RSPH14: variants seen among roughly 807,000 people sequenced by gnomAD.
RSPH14 encodes radial spoke head 14 homolog.
A neutral mutation model predicts 26.7 loss-of-function variants in RSPH14; 20 were observed. The ratio of observed to expected loss-of-function variants is 0.75; its 90% CI spans 0.53 to 1.09. The LOEUF (loss-of-function observed/expected upper bound fraction) is 1.09, where lower values mean the gene tolerates loss of function less well. RSPH14 is among the 50% of genes least tolerant of loss of function. The pLI, the probability that RSPH14 is intolerant of heterozygous loss-of-function variation, is 0.00. For missense variants in RSPH14, 449 were observed against 457.2 expected (o/e 0.98, Z 0.16); for synonymous variants, 177 against 189.3 (o/e 0.93, Z 0.53).
At chr22:23,153,430 T>G in the RSPH14 span, 8 of 344,054 alleles carry the variant, frequency 2.3e-5, no homozygotes, top group Admixed American at 1.3e-4. Context: ...CTGGCTCCAG[T>G]CCCTCCCTGA....
intron 3 of RSPH14, among the ~76,000 whole-genome samples, chr22:23,137,428 C>G (rs2146448625): frequency 6.6e-6 from 1 of 151,648 alleles, no homozygotes; most frequent in South Asian, 2.1e-4. Context: ...GGCTGCTATC[C>G]TCATTCCCCC....
intron 4 of RSPH14, chr22:23,124,703 C>T (rs2070131297): frequency 5.3e-6 from 1 of 189,712 alleles, no homozygotes; most frequent in Non-Finnish European, 1.1e-5. Flanking sequence ...GCTCTGACTC[C>T]TGTGAAGGCA....
intron 4 of RSPH14, chr22:23,095,716 A>G (rs547325924): frequency 3.7e-6 from 6 of 1,609,814 alleles, no homozygotes; most frequent in Non-Finnish European, 5.1e-6. Context: ...GGCAAAGCTC[A>G]GAGGAAAAAG....
intron 6 of RSPH14, among the ~76,000 whole-genome samples, chr22:23,060,473 A>T (rs1250085895): frequency 1.3e-5 from 2 of 151,890 alleles, no homozygotes; most frequent in Non-Finnish European, 2.9e-5. Flanking sequence ...CCATCTCAAA[A>T]AAAAAAAAAA....
At chr22:23,178,657 C>G in the RSPH14 span, among the ~76,000 whole-genome samples, 5 of 152,228 alleles carry the variant, frequency 3.3e-5, no homozygotes, top group Non-Finnish European at 7.3e-5. Flanking sequence ...CCCACCCAGC[C>G]TAGAAACTGG....
At chr22:23,148,048 C>A (rs2070898808), upstream of RSPH14, among the ~76,000 whole-genome samples, 1 of 152,122 alleles carries the variant, frequency 6.6e-6, no homozygotes. Flanking sequence ...GGGATAGATC[C>A]TCTCCATGGA....
At chr22:23,067,422 A>G (rs1385671256) in intron 4 of RSPH14, among the ~76,000 whole-genome samples, 2 of 152,140 alleles carry the variant, frequency 1.3e-5, no homozygotes, top group Admixed American at 6.5e-5. Flanking sequence ...GGTCGCAGCC[A>G]CACCCTTTCC....
chr22:23,104,733 G>A (rs929098071), intron 4 of RSPH14, among the ~76,000 whole-genome samples: 1 of 151,526 alleles, frequency 6.6e-6, no homozygotes, highest in Non-Finnish European at 1.5e-5. Context: ...GCCACTCAGG[G>A]GAGTCCTGTG....
the RSPH14 span, among the ~76,000 whole-genome samples, chr22:23,172,134 A>G: frequency 1.3e-5 from 2 of 152,220 alleles, no homozygotes; most frequent in East Asian, 1.9e-4. Context: ...TTCACTTAGC[A>G]TAATGTTTTC....
At position 23,136,491 on chromosome 22, in the gene RSPH14, A is replaced by G. The variant is rs150081863; in HGVS notation, c.303-2347T>C. Among the ~76,000 whole-genome samples, 468 of 137,972 alleles carry G rather than the reference A, an allele frequency of 3.4e-3. 67 individuals are homozygous for G. The highest frequency in any genetic ancestry group is 0.011 in the African/African-American group (430 of 38,822). The allele number at this position is 137,972 out of a possible 152,430, so 90.5% of individuals were successfully genotyped here. On this transcript the variant is annotated intron_variant, in intron 3 of 6. Transcript: ENST00000216036. ...AGAACGCTGAAGGAGTGCACGGGCCAGGCCATTATCAGGTCCCTGGTCAGG... is the reference window on the plus strand; with the variant it reads ...AGAACGCTGAAGGAGTGCACGGGCCGGGCCATTATCAGGTCCCTGGTCAGG...
intron 4 of RSPH14, among the ~76,000 whole-genome samples, chr22:23,092,357 C>A (rs2069003165): frequency 6.6e-6 from 1 of 152,148 alleles, no homozygotes; most frequent in African/African-American, 2.4e-5. Flanking sequence ...ACAGCCCTGT[C>A]CCATGCGTGG....
At chr22:23,061,753 T>C in intron 6 of RSPH14, 56 bp downstream of exon 6, 1 of 1,595,130 alleles carries the variant, frequency 6.3e-7, no homozygotes, top group Non-Finnish European at 8.5e-7. Context: ...AGAAAGCTCA[T>C]CACGGCTGCT....
chr22:23,129,613 T>C (rs1268569294), intron 4 of RSPH14, among the ~76,000 whole-genome samples: 1 of 151,516 alleles, frequency 6.6e-6, no homozygotes, highest in African/African-American at 2.4e-5. Flanking sequence ...TGAAATTGAC[T>C]TCATTATTCA....
At chr22:23,123,501 G>T in intron 4 of RSPH14, 1 of 1,002,582 alleles carries the variant, frequency 1.0e-6, no homozygotes, top group Non-Finnish European at 1.5e-6. Context: ...GCGTGCTAGA[G>T]AGGCCCAATC....
At chr22:23,149,342 T>G (rs1780438880), upstream of RSPH14, among the ~76,000 whole-genome samples, 1 of 152,192 alleles carries the variant, frequency 6.6e-6, no homozygotes, top group Non-Finnish European at 1.5e-5. Flanking sequence ...TTAGTTTGTT[T>G]AATCTCATTT....
At chr22:23,133,049 TC>T (rs2070391858) in intron 4 of RSPH14, 1 of 152,206 alleles carries the variant, frequency 6.6e-6, no homozygotes, top group Non-Finnish European at 1.5e-5. Flanking sequence ...GGTAGTACCT[TC>T]TAAAAGCTGA....
chr22:23,078,677 C>T (rs1022442088), intron 4 of RSPH14, among the ~76,000 whole-genome samples: 2 of 152,206 alleles, frequency 1.3e-5, no homozygotes, highest in Non-Finnish European at 2.9e-5. Flanking sequence ...CTGGGTGGGC[C>T]AGGGTTTGGG....
At chr22:23,139,377 T>G (rs982658517) in intron 2 of RSPH14, among the ~76,000 whole-genome samples, 1 of 152,228 alleles carries the variant, frequency 6.6e-6, no homozygotes, top group African/African-American at 2.4e-5. Context: ...TCCCAGCACT[T>G]TGGGAGGCCA....
rs2069421911 is a variant in RSPH14, at chr22:23,105,017, C to A, written c.421+29009G>T. Among the ~76,000 whole-genome samples, 3 of 152,372 alleles carry A rather than the reference C, an allele frequency of 2.0e-5. No homozygotes were observed. In the South Asian group the frequency reaches 6.2e-4, roughly 32 times the overall value. ...GGCCAGCCCAGGAGCCTGGCTGCAG[C>A]TCACCCTAATCCCTGCTTCATCACA... is the stretch of plus-strand genomic sequence containing the variant. On this transcript the variant is annotated intron_variant, in intron 4 of 6. Transcript: ENST00000216036.
Sources: allele counts gnomAD v4.1 joint callset (sites outside exome capture counted in the v4.1 genomes callset), GRCh38; gene constraint gnomAD v4.1.1; transcripts MANE v1.5; gene names NCBI Gene and HGNC (gene_info 2026-07-23, HGNC 2026-07-21).